MYO3B: variants seen among roughly 807,000 people sequenced by gnomAD.
MYO3B encodes the protein myosin-IIIb.
A neutral mutation model predicts 174.6 loss-of-function variants in MYO3B; 156 were observed. The ratio of observed to expected loss-of-function variants is 0.89; its 90% CI spans 0.78 to 1.02. MYO3B has a LOEUF of 1.02. Ranked by LOEUF, MYO3B falls within the 50% of genes least tolerant of loss-of-function variation. MYO3B has a pLI of 0.00. For synonymous variants in MYO3B, 563 were observed against 569.1 expected (o/e 0.99, Z 0.15); for missense variants, 1,632 against 1,639.4 (o/e 1.00, Z 0.08).
chr2:170,212,187 G>C (rs1349319649), intron 3 of MYO3B, among the ~76,000 whole-genome samples: 1 of 151,532 alleles, frequency 6.6e-6, no homozygotes, highest in Non-Finnish European at 1.5e-5. Flanking sequence ...AGTTTGTGGT[G>C]AGCCAAGATG....
chr2:170,187,111 T>C (rs2092475188), intron 1 of MYO3B, among the ~76,000 whole-genome samples: 1 of 152,122 alleles, frequency 6.6e-6, no homozygotes, highest in African/African-American at 2.4e-5. Flanking sequence ...ACAAACTGTT[T>C]GTTTCCTTGA....
At chr2:170,286,765 A>ATT (rs1192487885) in intron 7 of MYO3B, among the ~76,000 whole-genome samples, 1 of 151,754 alleles carries the variant, frequency 6.6e-6, no homozygotes, top group Non-Finnish European at 1.5e-5. Context: ...TTTTCATTTT[A>ATT]TTTTTTTATT....
chr2:170,251,091 G>A (rs144456630), intron 7 of MYO3B, among the ~76,000 whole-genome samples: 2,550 of 152,084 alleles, frequency 0.017, 22 homozygotes, highest in Middle Eastern at 0.037. Flanking sequence ...CCAGGGAACC[G>A]CCCTCTTCTA....
chr2:170,458,616 T>C (rs986197828), intron 23 of MYO3B, among the ~76,000 whole-genome samples: 3 of 152,198 alleles, frequency 2.0e-5, no homozygotes, highest in Non-Finnish European at 2.9e-5. Flanking sequence ...TATAATGAAA[T>C]TAGCTCAGGA....
In MYO3B at chr2:170,251,050, C is replaced by T. The variant is rs527577887; in HGVS notation, c.749+14914C>T. ...GAATGCCTGTTTTCACTTAGGGCCA[C>T]GGGTATTCGGGCTTGAGGGTGGGGC... is the stretch of plus-strand genomic sequence containing the variant. On this transcript the variant is annotated intron_variant, in intron 7 of 34. Transcript: ENST00000408978. 7.2e-5 allele frequency among the ~76,000 whole-genome samples: 11 copies of T among 152,160 alleles called. No homozygotes were observed. In the East Asian group the frequency reaches 9.7e-4, roughly 13 times the overall value.
intron 7 of MYO3B, chr2:170,332,305 T>C (rs971392662): frequency 1.3e-5 from 2 of 152,210 alleles, no homozygotes; most frequent in South Asian, 4.1e-4. Context: ...AATCAAGGCA[T>C]GTTAGGAAGC....
At chr2:170,499,268 A>G (rs6707376) in intron 26 of MYO3B, among the ~76,000 whole-genome samples, 140,396 of 152,198 alleles carry the variant, frequency 0.92, 65,728 homozygotes, top group Non-Finnish European at 1. Flanking sequence ...TAGGTACCTC[A>G]CCCTCTGAAC....
intron 7 of MYO3B, among the ~76,000 whole-genome samples, chr2:170,240,121 T>C (rs911987613): frequency 2.0e-5 from 3 of 152,208 alleles, no homozygotes; most frequent in Non-Finnish European, 4.4e-5. Context: ...TAATTTCATC[T>C]GGGGATCCTT....
At chr2:170,225,743 A>T (rs910173163) in intron 6 of MYO3B, among the ~76,000 whole-genome samples, 6 of 152,182 alleles carry the variant, frequency 3.9e-5, no homozygotes, top group African/African-American at 7.2e-5. Flanking sequence ...AACCTCAGGC[A>T]AGTTACTTAA....
At chr2:170,401,383 A>G in intron 17 of MYO3B, 98 bp from the exon 18 acceptor site, 1 of 1,134,548 alleles carries the variant, frequency 8.8e-7, no homozygotes, top group Non-Finnish European at 1.3e-6. Context: ...AAGTACCCAA[A>G]TGGAGTCTGG....
intron 25 of MYO3B, among the ~76,000 whole-genome samples, chr2:170,477,331 C>T (rs1362659281): frequency 6.6e-6 from 1 of 152,146 alleles, no homozygotes; most frequent in Non-Finnish European, 1.5e-5. Flanking sequence ...TTGCTCCATC[C>T]TCTGTGCTCC....
chr2:170,511,873 A>G (rs115494740), intron 28 of MYO3B, among the ~76,000 whole-genome samples: 1,606 of 152,316 alleles, frequency 0.011, 13 homozygotes, highest in Non-Finnish European at 0.015. Context: ...CTATGAAGCT[A>G]CCAGAAGCAG....
At chr2:170,180,264 T>G (rs1401834183) in intron 1 of MYO3B, 4 of 335,550 alleles carry the variant, frequency 1.2e-5, no homozygotes, top group Admixed American at 3.2e-5. Flanking sequence ...GTTAAGGAAC[T>G]AAAACTAGCT....
intron 7 of MYO3B, among the ~76,000 whole-genome samples, chr2:170,297,757 GA>G (rs1449749564): frequency 6.6e-6 from 1 of 152,156 alleles, no homozygotes; most frequent in Admixed American, 6.5e-5. Flanking sequence ...GTAAAACACT[GA>G]AAGGCTCCAA....
At position 170,262,677 on chromosome 2, in the gene MYO3B, G is replaced by A. The variant is rs564822007; in HGVS notation, c.749+26541G>A. Among the ~76,000 whole-genome samples the A allele has an allele frequency of 3.9e-5, 6 of 152,278 alleles. No homozygotes were observed. The East Asian group carries it at 9.7e-4, about 25-fold the overall frequency. On this transcript the variant is annotated intron_variant, in intron 7 of 34. Transcript: ENST00000408978. ...CACGTTTGGGTAGATATGCGTCCAT[G>A]GACAATGTGTGGAAGCCACCCTCTA... is the stretch of plus-strand genomic sequence containing the variant.
At chr2:170,234,065 G>A (rs1242572963) in intron 6 of MYO3B, among the ~76,000 whole-genome samples, 1 of 149,614 alleles carries the variant, frequency 6.7e-6, no homozygotes. Flanking sequence ...CAGCTACTTG[G>A]GAGGCTGAGG....
intron 7 of MYO3B, among the ~76,000 whole-genome samples, chr2:170,278,771 C>T (rs938864740): frequency 4.6e-5 from 7 of 152,046 alleles, no homozygotes; most frequent in African/African-American, 7.2e-5. Flanking sequence ...CTAACCCCCG[C>T]CACATATACC....
At chr2:170,509,161 A>C (rs1398362142) in intron 28 of MYO3B, among the ~76,000 whole-genome samples, 1 of 152,244 alleles carries the variant, frequency 6.6e-6, no homozygotes, top group East Asian at 1.9e-4. Flanking sequence ...GTTTGAGACC[A>C]GCCTGGCCAA....
chr2:170,339,443 C>T (rs574263224), intron 8 of MYO3B, among the ~76,000 whole-genome samples: 45 of 151,776 alleles, frequency 3.0e-4, no homozygotes, highest in Admixed American at 3.3e-4. Context: ...CAAAAGATTT[C>T]GTATTGACTG....
Sources: allele counts gnomAD v4.1 joint callset (sites outside exome capture counted in the v4.1 genomes callset), GRCh38; gene constraint gnomAD v4.1.1; transcripts MANE v1.5; gene names NCBI Gene and HGNC (gene_info 2026-07-23, HGNC 2026-07-21).